SLC24A2: variants seen among roughly 807,000 people sequenced by gnomAD.
SLC24A2 encodes solute carrier family 24 member 2, also known as sodium/potassium/calcium exchanger 2.
SLC24A2 carries 36 observed loss-of-function variants against 62.0 expected under a neutral mutation model. That is an observed-to-expected ratio of 0.58 (90% CI 0.44 to 0.77). SLC24A2 has a LOEUF of 0.77. Among genes scored for constraint, SLC24A2 ranks in the 30% least tolerant of loss-of-function variants. The probability of loss-of-function intolerance (pLI) is 0.00; values close to 1 mark genes in which losing one functional copy is unlikely to be tolerated. For synonymous variants in SLC24A2, 358 were observed against 294.0 expected, an observed-to-expected ratio of 1.22 and a Z score of -2.23; for missense variants, 846 against 817.9, an observed-to-expected ratio of 1.03 and a Z score of -0.42.
At chr9:19,536,204 A>AT (rs1366228562) in intron 8 of SLC24A2, among the ~76,000 whole-genome samples, 1,918 of 129,874 alleles carry the variant, frequency 0.015, 43 homozygotes, top group African/African-American at 0.053. Flanking sequence ...TTATTTATTT[A>AT]TTTTTTTTTA....
At chr9:19,887,607 T>C in the SLC24A2 span, among the ~76,000 whole-genome samples, 38 of 152,178 alleles carry the variant, frequency 2.5e-4, no homozygotes, top group Non-Finnish European at 3.8e-4. Context: ...GCTGGTGGAA[T>C]GTAAACTAGT....
chr9:19,998,748 G>C, the SLC24A2 span, among the ~76,000 whole-genome samples: 1 of 152,250 alleles, frequency 6.6e-6, no homozygotes, highest in Non-Finnish European at 1.5e-5. Flanking sequence ...TGGTCTGGGA[G>C]AAATAGAAAC....
At chr9:20,007,957 A>AG in the SLC24A2 span, among the ~76,000 whole-genome samples, 1 of 121,690 alleles carries the variant, frequency 8.2e-6, no homozygotes, top group African/African-American at 3.2e-5. Flanking sequence ...GTGAAGTGGC[A>AG]TGATCTCGGT....
chr9:19,628,656 A>G (rs1050467500), intron 2 of SLC24A2, among the ~76,000 whole-genome samples: 2 of 152,226 alleles, frequency 1.3e-5, no homozygotes, highest in Admixed American at 1.3e-4. Context: ...TGACTAGTAA[A>G]GAATGCAATA....
At chr9:19,851,972 C>A in the SLC24A2 span, among the ~76,000 whole-genome samples, 2 of 152,186 alleles carry the variant, frequency 1.3e-5, no homozygotes, top group African/African-American at 4.8e-5. Flanking sequence ...TCCTGTTTCT[C>A]TGCAGCCTCA....
intron 2 of SLC24A2, among the ~76,000 whole-genome samples, chr9:19,708,602 C>G (rs1292022142): frequency 6.6e-6 from 1 of 152,152 alleles, no homozygotes; most frequent in African/African-American, 2.4e-5. Context: ...AATAATGCCA[C>G]ATATCTACAA....
the SLC24A2 span, among the ~76,000 whole-genome samples, chr9:19,898,003 T>G: frequency 6.6e-6 from 1 of 152,194 alleles, no homozygotes; most frequent in African/African-American, 2.4e-5. Context: ...TTGGAAATCA[T>G]GACTACAGCA....
the SLC24A2 span, among the ~76,000 whole-genome samples, chr9:19,795,322 G>A: frequency 8.3e-4 from 123 of 148,922 alleles, 1 homozygote; most frequent in Admixed American, 1.5e-3. Context: ...GCCTGTTTGG[G>A]GTTCATGCCC....
chr9:19,944,148 G>A, the SLC24A2 span, among the ~76,000 whole-genome samples: 2 of 152,088 alleles, frequency 1.3e-5, no homozygotes, highest in Non-Finnish European at 2.9e-5. Flanking sequence ...AAAAACTAAC[G>A]TTTGGGTACA....
chr9:19,684,204 C>T (rs1304262327), intron 2 of SLC24A2, among the ~76,000 whole-genome samples: 1 of 151,990 alleles, frequency 6.6e-6, no homozygotes, highest in Non-Finnish European at 1.5e-5. Context: ...TTTCTGAGGC[C>T]TGGGAAAGAG....
the SLC24A2 span, among the ~76,000 whole-genome samples, chr9:20,214,407 A>G: frequency 2.0e-5 from 3 of 152,114 alleles, no homozygotes; most frequent in Non-Finnish European, 1.5e-5. Context: ...AGGTCAGTAG[A>G]TAAGACCATC....
chr9:19,960,630 C>T, the SLC24A2 span, among the ~76,000 whole-genome samples: 70 of 152,214 alleles, frequency 4.6e-4, no homozygotes, highest in Non-Finnish European at 8.2e-4. Flanking sequence ...AACATACACA[C>T]CTACTCTAGT....
the SLC24A2 span, among the ~76,000 whole-genome samples, chr9:20,292,056 A>G: frequency 6.6e-6 from 1 of 152,222 alleles, no homozygotes. Flanking sequence ...GCCAGCCTGC[A>G]CTGGACTCCT....
chr9:20,259,725 A>T, the SLC24A2 span, among the ~76,000 whole-genome samples: 2 of 152,104 alleles, frequency 1.3e-5, no homozygotes, highest in Non-Finnish European at 2.9e-5. Flanking sequence ...AGTCCCCAAT[A>T]GCTATGATTT....
the SLC24A2 span, among the ~76,000 whole-genome samples, chr9:20,034,879 T>G: frequency 6.6e-6 from 1 of 152,198 alleles, no homozygotes; most frequent in Admixed American, 6.5e-5. Flanking sequence ...TTAAGGGAGC[T>G]TATATTACAA....
chr9:19,827,975 A>G, the SLC24A2 span, among the ~76,000 whole-genome samples: 1 of 152,178 alleles, frequency 6.6e-6, no homozygotes, highest in Non-Finnish European at 1.5e-5. Flanking sequence ...TCTGCCATCC[A>G]ACTGTCCTCC....
the SLC24A2 span, among the ~76,000 whole-genome samples, chr9:20,296,869 T>G: frequency 2.6e-5 from 4 of 152,366 alleles, no homozygotes; most frequent in South Asian, 8.3e-4. Context: ...TACACCTGAC[T>G]GTTTATGCTT....
chr9:19,866,671 C>T, the SLC24A2 span, among the ~76,000 whole-genome samples: 1 of 117,140 alleles, frequency 8.5e-6, no homozygotes, highest in Non-Finnish European at 1.6e-5. Context: ...GAGTCTCGCT[C>T]TATCGCCCAG....
At chr9:20,160,744 G>A in the SLC24A2 span, among the ~76,000 whole-genome samples, 3 of 151,016 alleles carry the variant, frequency 2.0e-5, no homozygotes, top group South Asian at 6.2e-4. Flanking sequence ...GAATCTATGG[G>A]ATACATTTAA....
Sources: gnomAD v4.1 joint callset for allele counts (sites outside exome capture counted in the v4.1 genomes callset) on GRCh38, gnomAD v4.1.1 for gene constraint, MANE v1.5 for transcripts, NCBI Gene and HGNC (gene_info 2026-07-23, HGNC 2026-07-21) for gene names.